The following NLRP5 variants were observed in gnomAD, a reference collection of about 807,000 sequenced individuals.
NLRP5 encodes NLR family pyrin domain containing 5, also known as NACHT, LRR and PYD domains-containing protein 5.
Under a neutral mutation model 113.1 loss-of-function variants are expected in NLRP5, and 93 were observed. The ratio of observed to expected loss-of-function variants is 0.82; its 90% confidence interval spans 0.70 to 0.98. The LOEUF (loss-of-function observed/expected upper bound fraction) is 0.98. Ranked by LOEUF, NLRP5 falls within the 50% of genes least tolerant of loss-of-function variation. The pLI is 0.00. For synonymous variants in NLRP5, 751 were observed against 600.7 expected, an observed-to-expected ratio of 1.25 and a Z score of -3.66; for missense variants, 1,808 against 1,514.3, an observed-to-expected ratio of 1.19 and a Z score of -3.22.
chr19:56,050,087 C>A (rs140872640), intron 11 of NLRP5, among the ~76,000 whole-genome samples: 1 of 151,994 alleles, frequency 6.6e-6, no homozygotes, highest in Non-Finnish European at 1.5e-5. Context: ...CGAGACCATC[C>A]TGGTCAACAT....
intron 14 of NLRP5, 92 bp from the exon 15 acceptor site, chr19:56,061,304 T>G: frequency 4.2e-5 from 59 of 1,412,532 alleles, no homozygotes; most frequent in Non-Finnish European, 5.4e-5. Context: ...AGAAAAGGTT[T>G]GAGATCCTTG....
At position 56,003,619 on chromosome 19, in the gene NLRP5, G is replaced by A. The variant is rs748151527; in HGVS notation, c.63-97G>A. 2.2e-4 allele frequency: 272 copies of A among 1,235,214 alleles called. 2 individuals carry two copies. In the Middle Eastern group the frequency reaches 8.7e-3, roughly 40 times the overall value. The allele number at this position is 1,235,214 out of a possible 1,614,324, so 76.5% of individuals were successfully genotyped here. A position where few individuals can be genotyped will look rare whatever the true frequency, so the allele number is the denominator to read the frequency against. On this transcript the variant is annotated intron_variant, in intron 1 of 14. Coordinates refer to ENST00000390649, the MANE Select transcript of NLRP5 (RefSeq NM_153447.4). The stretch of plus-strand genomic sequence containing the variant: ...CAGATATTGTGGCAACAAATGCTTC[G>A]TCCATGAAGAATTGAAAAGAGAAGG...
chr19:56,042,816 C>CT (rs1195835162), intron 11 of NLRP5, among the ~76,000 whole-genome samples: 1 of 152,212 alleles, frequency 6.6e-6, no homozygotes, highest in Non-Finnish European at 1.5e-5. Flanking sequence ...GTCCTCATAG[C>CT]TTAGCTCCCA....
chr19:56,028,070 G>A lies in NLRP5; in HGVS notation c.1837G>A (p.Glu613Lys). 1.9e-6 allele frequency: 3 copies of A among 1,614,002 alleles called. No homozygotes were observed. Among genetic ancestry groups the A allele is most frequent in the Non-Finnish European group, 2.5e-6 (3 of 1,179,890 alleles). Reference sequence around the variant, plus strand: ...GCCAGCTCTCTGCCCTCTGTACGTTGAGAAGACAAAGAGGTCCATGGAGCT... The same window carrying A: ...GCCAGCTCTCTGCCCTCTGTACGTTAAGAAGACAAAGAGGTCCATGGAGCT... The change falls in exon 7 of 15, where the codon GAG (glutamate) becomes AAG (lysine). Residue 613 changes from glutamate to lysine, a missense_variant. Physicochemically the swap from Glu to Lys is moderately conservative, Grantham distance 56. Coordinates refer to ENST00000390649, the MANE Select transcript of NLRP5 (RefSeq NM_153447.4).
chr19:56,020,566 C>G, intron 6 of NLRP5, 135 bp downstream of exon 6: 1 of 972,244 alleles, frequency 1.0e-6, no homozygotes. Flanking sequence ...GGTGTCAACC[C>G]CTTCCCTTCA....
At chr19:55,999,211 T>G (rs891942169), upstream of NLRP5, among the ~76,000 whole-genome samples, 1 of 128,940 alleles carries the variant, frequency 7.8e-6, no homozygotes, top group African/African-American at 2.8e-5. Flanking sequence ...TTTTTCTTTT[T>G]CTTTTTTTTT....
At chr19:56,034,363 G>A (rs535015199) in intron 9 of NLRP5, among the ~76,000 whole-genome samples, 39 of 152,302 alleles carry the variant, frequency 2.6e-4, no homozygotes, top group Admixed American at 3.9e-4. Flanking sequence ...TCCAGCCTGG[G>A]CAACAAGAGC....
intron 3 of NLRP5, among the ~76,000 whole-genome samples, chr19:56,010,279 T>A (rs1014241835): frequency 1.3e-5 from 2 of 152,176 alleles, no homozygotes; most frequent in Non-Finnish European, 2.9e-5. Context: ...CACCAAAGTC[T>A]CACATGGTTA....
chr19:56,017,873 G>A (rs1057419484), intron 4 of NLRP5, among the ~76,000 whole-genome samples: 6 of 152,166 alleles, frequency 3.9e-5, no homozygotes, highest in Non-Finnish European at 1.5e-5. Flanking sequence ...GAGTGCGGTC[G>A]CGCAATCTTG....
At chr19:56,009,226 G>C (rs1982081206) in intron 3 of NLRP5, among the ~76,000 whole-genome samples, 1 of 151,350 alleles carries the variant, frequency 6.6e-6, no homozygotes, top group African/African-American at 2.4e-5. Context: ...TGTAATCCCA[G>C]CTACTTGGGA....
At chr19:56,000,417 T>C (rs903882088) in intron 1 of NLRP5, among the ~76,000 whole-genome samples, 1 of 152,132 alleles carries the variant, frequency 6.6e-6, no homozygotes, top group African/African-American at 2.4e-5. Flanking sequence ...CAGGCTGGAG[T>C]GCAGTGGCAC....
intron 2 of NLRP5, among the ~76,000 whole-genome samples, chr19:56,005,258 T>C (rs1054439217): frequency 5.5e-5 from 8 of 144,702 alleles, no homozygotes; most frequent in African/African-American, 1.8e-4. Flanking sequence ...TATATATTTA[T>C]ATATACACAT....
chr19:55,990,141 T>C, the NLRP5 span, among the ~76,000 whole-genome samples: 14 of 130,838 alleles, frequency 1.1e-4, no homozygotes, highest in Non-Finnish European at 7.7e-5. Context: ...CAGGCTGGAG[T>C]GCAATGGTGA....
the NLRP5 span, among the ~76,000 whole-genome samples, chr19:55,989,670 C>G: frequency 6.6e-6 from 1 of 152,138 alleles, no homozygotes; most frequent in Non-Finnish European, 1.5e-5. Flanking sequence ...AGACATTCTG[C>G]GCACGTGTAT....
In NLRP5 at chr19:56,020,362, C is replaced by T; in HGVS notation, c.623-13C>T. ...TAATAAACACAAGTATGTTGGAATT[C>T]ATTCTTTTGCAGAAATTTCACAAGC... On this transcript the variant is annotated splice_polypyrimidine_tract_variant and intron_variant, in intron 5 of 14. Coordinates refer to ENST00000390649, the MANE Select transcript of NLRP5 (RefSeq NM_153447.4). 2 of 1,608,126 alleles carry T rather than the reference C, an allele frequency of 1.2e-6. No homozygotes were observed. The highest frequency in any genetic ancestry group is 1.7e-6 in the Non-Finnish European group (2 of 1,176,462).
At chr19:56,056,038 T>C (rs1045243519) in intron 13 of NLRP5, among the ~76,000 whole-genome samples, 2 of 152,118 alleles carry the variant, frequency 1.3e-5, no homozygotes, top group African/African-American at 2.4e-5. Context: ...TGTAAATTTG[T>C]TTTCCCAGCA....
At chr19:56,044,297 G>A (rs946531668) in intron 11 of NLRP5, among the ~76,000 whole-genome samples, 3 of 151,876 alleles carry the variant, frequency 2.0e-5, no homozygotes, top group Non-Finnish European at 4.4e-5. Flanking sequence ...CTCCTGATAT[G>A]CCCACCTCAG....
chr19:56,047,347 C>G (rs1276158205), intron 11 of NLRP5, among the ~76,000 whole-genome samples: 2 of 152,156 alleles, frequency 1.3e-5, no homozygotes, highest in Non-Finnish European at 2.9e-5. Flanking sequence ...AGTTGATGCT[C>G]TTTCAGCCTT....
At chr19:56,055,350 C>T (rs1341742191) in intron 13 of NLRP5, among the ~76,000 whole-genome samples, 3 of 151,768 alleles carry the variant, frequency 2.0e-5, no homozygotes, top group African/African-American at 7.3e-5. Flanking sequence ...CACCTTGGTT[C>T]TCTGTCCCCT....
Sources: gnomAD v4.1 joint callset for allele counts (sites outside exome capture counted in the v4.1 genomes callset) on GRCh38, gnomAD v4.1.1 for gene constraint, MANE v1.5 for transcripts, NCBI Gene and HGNC (gene_info 2026-07-23, HGNC 2026-07-21) for gene names.